Variants in PTPRK observed in about 807,000 individuals in gnomAD.
PTPRK encodes the protein protein tyrosine phosphatase receptor type K.
In PTPRK, 75 loss-of-function variants were observed where a neutral mutation model predicts 178.0. That is an observed-to-expected ratio of 0.42 (90% CI 0.35 to 0.51). The LOEUF (loss-of-function observed/expected upper bound fraction) is 0.51. Ranked by LOEUF, PTPRK falls within the 20% of genes least tolerant of loss-of-function variation. PTPRK has a pLI of 0.02. For missense variants in PTPRK, 1,441 were observed against 1,797.8 expected (o/e 0.80, Z 3.59); for synonymous variants, 637 against 620.6 (o/e 1.03, Z -0.39).
At chr6:128,165,320 C>A (rs1799244342) in intron 7 of PTPRK, among the ~76,000 whole-genome samples, 1 of 151,230 alleles carries the variant, frequency 6.6e-6, no homozygotes, top group African/African-American at 2.4e-5. Flanking sequence ...TTTATCCAAC[C>A]ATTAATTCTT....
intron 3 of PTPRK, among the ~76,000 whole-genome samples, chr6:128,314,901 A>T (rs1827790360): frequency 6.6e-6 from 1 of 151,994 alleles, no homozygotes; most frequent in Non-Finnish European, 1.5e-5. Context: ...ACAATGTCTA[A>T]TATACGTATC....
chr6:128,388,087 T>C (rs919764999), intron 2 of PTPRK, among the ~76,000 whole-genome samples: 1 of 152,258 alleles, frequency 6.6e-6, no homozygotes, highest in Non-Finnish European at 1.5e-5. Context: ...AATGCTGTTT[T>C]AATAAATGCT....
rs1775303781 is a variant in PTPRK at position 127,981,209 on chromosome 6, A to G, written c.3618T>C (p.Arg1206=). ...TGTCAGGTGGCAGCATGTCCATGAA[A>G]CGGTTCTTGTCATGGTTCCTTGGCA... The part of the protein sequence containing the change: ...ACLPRNHDKN[R]FMDMLPPDRC... Residue 1206 remains arginine (R), a synonymous_variant, in exon 25 of 30, where the codon CGT becomes CGC. Transcript: ENST00000368226. 6.2e-7 allele frequency: 1 copy of G among 1,613,776 alleles called. No homozygotes were observed. Among genetic ancestry groups the G allele is most frequent in the Admixed American group, 1.7e-5 (1 of 59,990 alleles).
chr6:128,376,547 T>C (rs1837101570), intron 2 of PTPRK, among the ~76,000 whole-genome samples: 2 of 152,144 alleles, frequency 1.3e-5, no homozygotes, highest in Non-Finnish European at 1.5e-5. Context: ...ACATCTAACA[T>C]ATCCTGAGAC....
rs754580293 is a variant in PTPRK, at chr6:127,973,711, C to T, written c.4086G>A (p.Trp1362Ter). 2 of 1,614,010 alleles carry T rather than the reference C, an allele frequency of 1.2e-6. No homozygotes were observed. The change falls in exon 28 of 30, where the codon TGG becomes TGA. Residue 1362 changes from tryptophan (W) to a stop codon, truncating the protein, a stop_gained. Coordinates refer to ENST00000368226, the MANE Select transcript of PTPRK (RefSeq NM_002844.4). LOFTEE classifies it high-confidence loss of function. ...CTTCCCCTTCCTCGCATTCCTCCTG[C>T]CACTTTTCCACCTGAAGTATCAGTT... ...FLKLILQVEK[W>*]QEECEEGEGR...
At chr6:128,062,340 G>C (rs1780985771) in intron 13 of PTPRK, 3 of 166,698 alleles carry the variant, frequency 1.8e-5, no homozygotes, top group Admixed American at 6.6e-5. Context: ...CAAGTAGCTG[G>C]AGCTACAGGC....
rs767045023 is a variant in PTPRK, at chr6:127,985,868, T to C, written c.3104A>G (p.Tyr1035Cys). ...CTGTTTAACTTCACGGATTTCATTG[T>C]ACCCCCTCTGTGCAAAGATGGAAAG... is the stretch of plus-strand genomic sequence containing the variant. ...VRTFTLERRG[Y>C]NEIREVKQFH... Residue 1035 changes from tyrosine to cysteine, a missense_variant, in exon 22 of 30, where the codon TAC becomes TGC. By Grantham distance (194) the Tyr-to-Cys change is radical (BLOSUM62 -2). Coordinates refer to ENST00000368226, the MANE Select transcript of PTPRK (RefSeq NM_002844.4). 3.1e-6 allele frequency: 5 copies of C among 1,610,640 alleles called. No homozygotes were observed. The highest frequency in any genetic ancestry group is 3.3e-5 in the Admixed American group (2 of 59,910).
At chr6:128,281,871 C>T (rs1821729056) in intron 3 of PTPRK, among the ~76,000 whole-genome samples, 1 of 152,088 alleles carries the variant, frequency 6.6e-6, no homozygotes, top group East Asian at 1.9e-4. Flanking sequence ...ATTAATCTAT[C>T]TTTACGTATT....
chr6:128,190,777 T>C (rs1402482492), intron 6 of PTPRK, among the ~76,000 whole-genome samples: 1 of 152,030 alleles, frequency 6.6e-6, no homozygotes, highest in Non-Finnish European at 1.5e-5. Context: ...GGGATTACAG[T>C]TGTGAGCCAC....
rs1802633697 is a variant in PTPRK, at chr6:128,185,637, G to C, written c.869-912C>G. Among the ~76,000 whole-genome samples, 3 of 152,062 alleles carry C rather than the reference G, an allele frequency of 2.0e-5. No individual in the cohort carries two copies. The South Asian group carries it at 6.2e-4, about 32-fold the overall frequency. On this transcript the variant is annotated intron_variant, in intron 6 of 29. Coordinates refer to ENST00000368226, the MANE Select transcript of PTPRK (RefSeq NM_002844.4). Reference sequence around the variant, plus strand: ...GAAAGTCAAAAGACCTAAAGAAAGTGTTAATAAAGTAGTAATTGCTCAAAA... The same window carrying C: ...GAAAGTCAAAAGACCTAAAGAAAGTCTTAATAAAGTAGTAATTGCTCAAAA...
chr6:128,207,725 G>A (rs1807227536), intron 6 of PTPRK, among the ~76,000 whole-genome samples: 1 of 152,070 alleles, frequency 6.6e-6, no homozygotes, highest in Non-Finnish European at 1.5e-5. Flanking sequence ...ATGTTTAAGT[G>A]ACACAATGCA....
intron 1 of PTPRK, among the ~76,000 whole-genome samples, chr6:128,464,650 T>TACAC (rs1484566836): frequency 2.1e-5 from 2 of 96,270 alleles, no homozygotes; most frequent in African/African-American, 1.0e-4. Flanking sequence ...TATATATATA[T>TACAC]ATATATATAT....
intron 1 of PTPRK, among the ~76,000 whole-genome samples, chr6:128,483,018 T>C (rs546870962): frequency 1.3e-5 from 2 of 152,296 alleles, no homozygotes; most frequent in East Asian, 3.9e-4. Flanking sequence ...TGATTCTTAA[T>C]AAAATAAAAT....
chr6:128,123,136 G>A (rs1583107918), intron 7 of PTPRK, among the ~76,000 whole-genome samples: 1 of 152,140 alleles, frequency 6.6e-6, no homozygotes, highest in South Asian at 2.1e-4. Flanking sequence ...TAGGAAAGAT[G>A]AACATGAGAA....
At chr6:128,029,974 G>A (rs1321997545) in intron 13 of PTPRK, among the ~76,000 whole-genome samples, 2 of 152,148 alleles carry the variant, frequency 1.3e-5, no homozygotes, top group African/African-American at 4.8e-5. Flanking sequence ...GTAGGAAAGG[G>A]AAAGCAGCTA....
intron 7 of PTPRK, among the ~76,000 whole-genome samples, chr6:128,140,650 T>A: frequency 6.6e-6 from 1 of 152,006 alleles, no homozygotes; most frequent in East Asian, 1.9e-4. Context: ...ATCATCATTG[T>A]CGTCATCAGG....
chr6:128,036,086 G>T (rs1479663493), intron 13 of PTPRK, among the ~76,000 whole-genome samples: 1 of 152,108 alleles, frequency 6.6e-6, no homozygotes. Flanking sequence ...AGTACAGAGG[G>T]TCTTACAAAC....
intron 13 of PTPRK, among the ~76,000 whole-genome samples, chr6:128,021,184 A>G (rs1036551659): frequency 6.6e-6 from 1 of 152,176 alleles, no homozygotes; most frequent in Admixed American, 6.5e-5. Context: ...GCTGTCTAAA[A>G]TTTTCTAATA....
intron 25 of PTPRK, among the ~76,000 whole-genome samples, chr6:127,977,938 A>G (rs1774803199): frequency 6.6e-6 from 1 of 152,242 alleles, no homozygotes; most frequent in Admixed American, 6.5e-5. Flanking sequence ...TAATGCTGAC[A>G]AAAATTTTCA....
Sources: allele counts gnomAD v4.1 joint callset (sites outside exome capture counted in the v4.1 genomes callset), GRCh38; gene constraint gnomAD v4.1.1; transcripts MANE v1.5; gene names NCBI Gene and HGNC (gene_info 2026-07-23, HGNC 2026-07-21).